Variants in GADL1 observed in about 807,000 individuals in gnomAD.
GADL1 encodes the protein GAD like acidic amino acid decarboxylase 1.
In GADL1, 71 loss-of-function variants were observed where a neutral mutation model predicts 69.5. The observed-to-expected ratio is 1.02, with a 90% CI of 0.84 to 1.25. The LOEUF is 1.25. Ranked by LOEUF, GADL1 falls within the 50% of genes most tolerant of loss-of-function variation. The probability of loss-of-function intolerance (pLI) is 0.00; values close to 1 mark genes in which losing one functional copy is unlikely to be tolerated. For missense variants in GADL1, 737 were observed against 631.8 expected, an observed-to-expected ratio of 1.17 and a Z score of -1.79; for synonymous variants, 254 against 214.4, an observed-to-expected ratio of 1.18 and a Z score of -1.62.
chr3:30,851,211 G>A (rs901007655), intron 4 of GADL1, among the ~76,000 whole-genome samples: 5 of 152,150 alleles, frequency 3.3e-5, no homozygotes, highest in African/African-American at 4.8e-5. Flanking sequence ...GAGCAATAAA[G>A]GCAATGCATT....
rs187910170 is a variant in GADL1, at chr3:30,864,077, A to G, written c.38-2312T>C. 2.6e-3 allele frequency among the ~76,000 whole-genome samples: 400 copies of G among 152,108 alleles called. 4 individuals are homozygous for G. Among genetic ancestry groups the G allele is most frequent in the African/African-American group, 9.1e-3 (380 of 41,552 alleles). ...CATTTAACATGGTTTAGGGCCAAAT[A>G]TTGAAACCCTAGAATTGAGCTTTTA... On this transcript the variant is annotated intron_variant, in intron 1 of 14. Coordinates refer to ENST00000282538, the MANE Select transcript of GADL1 (RefSeq NM_207359.3).
At chr3:30,811,222 G>A (rs537407634) in intron 11 of GADL1, among the ~76,000 whole-genome samples, 1 of 152,254 alleles carries the variant, frequency 6.6e-6, no homozygotes, top group African/African-American at 2.4e-5. Context: ...AGAATGAGCT[G>A]CTTAGAAAAT....
intron 3 of GADL1, 78 bp downstream of exon 3, chr3:30,856,937 A>C: frequency 8.3e-7 from 1 of 1,210,696 alleles, no homozygotes; most frequent in Non-Finnish European, 1.2e-6. Flanking sequence ...AAGCATTGCT[A>C]TACTCAGCTT....
intron 9 of GADL1, among the ~76,000 whole-genome samples, chr3:30,835,690 T>A (rs1404524010): frequency 6.6e-6 from 1 of 152,054 alleles, no homozygotes; most frequent in Non-Finnish European, 1.5e-5. Flanking sequence ...CCCACTGGCC[T>A]CATATTAGCA....
intron 1 of GADL1, among the ~76,000 whole-genome samples, chr3:30,874,632 CTAAG>C (rs533058649): frequency 5.9e-4 from 89 of 152,054 alleles, no homozygotes; most frequent in African/African-American, 2.0e-3. Flanking sequence ...ACCAGATCCA[CTAAG>C]TGTTATCTAC....
chr3:30,766,035 C>T (rs985855464), intron 14 of GADL1, among the ~76,000 whole-genome samples: 1 of 152,088 alleles, frequency 6.6e-6, no homozygotes, highest in African/African-American at 2.4e-5. Context: ...GAGAGGCTGA[C>T]CTTCTAATTT....
At chr3:30,756,816 T>C (rs1296542752) in intron 14 of GADL1, among the ~76,000 whole-genome samples, 2 of 152,148 alleles carry the variant, frequency 1.3e-5, no homozygotes, top group Non-Finnish European at 2.9e-5. Context: ...TTGTCTCTCT[T>C]ACACTTGCCA....
At chr3:30,764,357 G>C (rs1696217218) in intron 14 of GADL1, among the ~76,000 whole-genome samples, 1 of 151,954 alleles carries the variant, frequency 6.6e-6, no homozygotes, top group Non-Finnish European at 1.5e-5. Context: ...AAATTTGTTA[G>C]ATTACACTTA....
intron 14 of GADL1, among the ~76,000 whole-genome samples, chr3:30,751,030 G>C (rs1695802039): frequency 6.6e-6 from 1 of 152,128 alleles, no homozygotes; most frequent in Non-Finnish European, 1.5e-5. Context: ...AGGGTAACCG[G>C]GGTTAAGGCA....
intron 11 of GADL1, among the ~76,000 whole-genome samples, chr3:30,813,801 T>C (rs1386462866): frequency 6.6e-6 from 1 of 152,236 alleles, no homozygotes; most frequent in African/African-American, 2.4e-5. Flanking sequence ...AGCAGTCCTA[T>C]TTAAAACTAT....
intron 3 of GADL1, among the ~76,000 whole-genome samples, chr3:30,856,166 T>C (rs550332455): frequency 1.5e-3 from 222 of 152,196 alleles, no homozygotes; most frequent in African/African-American, 4.7e-3. Flanking sequence ...CAAAGGAATA[T>C]AATCCAATTA....
chr3:30,734,635 G>T (rs1695514039), intron 14 of GADL1, among the ~76,000 whole-genome samples: 1 of 152,064 alleles, frequency 6.6e-6, no homozygotes, highest in Non-Finnish European at 1.5e-5. Context: ...TTGTGGTAAT[G>T]GTTAGCTTTA....
Position 30,801,054 on chromosome 3 carries a change from G to T in GADL1, c.1085C>A (p.Ser362Tyr), listed in dbSNP as rs1697153260. 6 of 1,613,922 alleles carry T rather than the reference G, an allele frequency of 3.7e-6. No individual in the cohort carries two copies. The highest frequency in any genetic ancestry group is 4.2e-6 in the Non-Finnish European group (5 of 1,179,894). Residue 362 changes from serine (S) to tyrosine (Y), a missense_variant, in exon 12 of 15, where the codon TCT (serine) becomes TAT (tyrosine). Physicochemically the swap from Ser to Tyr is moderately radical, Grantham distance 144. Transcript: ENST00000282538. Reference protein sequence around the residue: ...LLKKCYSAKASYLFQQDKFYD... With the variant: ...LLKKCYSAKAYYLFQQDKFYD... ...GAATTTATCCTGCTGGAAGAGGTAA[G>T]ATGCCTTGGCAGAGTAGCATTTTTT... is the stretch of plus-strand genomic sequence containing the variant.
chr3:30,759,171 A>T (rs892754411), intron 14 of GADL1, among the ~76,000 whole-genome samples: 12 of 152,196 alleles, frequency 7.9e-5, no homozygotes, highest in Admixed American at 2.6e-4. Flanking sequence ...AGATTGGAGC[A>T]GAAGCAGCAG....
At chr3:30,800,617 G>T in intron 12 of GADL1, 1 of 444,968 alleles carries the variant, frequency 2.2e-6, no homozygotes. Context: ...AAAAATGAGG[G>T]TCATTTGTGC....
chr3:30,824,275 AAG>A (rs145409386), intron 11 of GADL1, among the ~76,000 whole-genome samples: 10,819 of 151,686 alleles, frequency 0.071, 991 homozygotes, highest in African/African-American at 0.2. Flanking sequence ...AAAAGGCAAA[AAG>A]AGAAAAAAAA....
intron 14 of GADL1, among the ~76,000 whole-genome samples, chr3:30,740,253 C>A (rs1404343971): frequency 1.3e-5 from 2 of 152,064 alleles, no homozygotes; most frequent in African/African-American, 2.4e-5. Flanking sequence ...AGTTTGAATT[C>A]GACTGGTAAT....
chr3:30,769,139 T>C (rs1220062097), intron 14 of GADL1, among the ~76,000 whole-genome samples: 1 of 152,112 alleles, frequency 6.6e-6, no homozygotes, highest in East Asian at 1.9e-4. Context: ...TAAATTCAAC[T>C]GCAAGCCACC....
At chr3:30,834,434 C>G (rs1047522451) in intron 9 of GADL1, among the ~76,000 whole-genome samples, 153 bp from the exon 10 acceptor site, 32 of 152,160 alleles carry the variant, frequency 2.1e-4, no homozygotes, top group African/African-American at 7.7e-4. Context: ...AAATTCTGAT[C>G]ACTGGCTCTA....
Sources: allele counts gnomAD v4.1 joint callset (sites outside exome capture counted in the v4.1 genomes callset), GRCh38; gene constraint gnomAD v4.1.1; transcripts MANE v1.5; gene names NCBI Gene and HGNC (gene_info 2026-07-23, HGNC 2026-07-21).